The following STX1A variants were observed in gnomAD, a reference collection of about 807,000 sequenced individuals.
STX1A encodes syntaxin-1A.
Under a neutral mutation model 37.8 loss-of-function variants are expected in STX1A, and 4 were observed. The ratio of observed to expected loss-of-function variants is 0.11; its 90% CI spans 0.05 to 0.24. STX1A has a LOEUF of 0.24. Among genes scored for constraint, STX1A ranks in the 10% least tolerant of loss-of-function variants. The pLI, the probability that STX1A is intolerant of heterozygous loss-of-function variation, is 1.00. For synonymous variants in STX1A, 135 were observed against 147.4 expected, an observed-to-expected ratio of 0.92 and a Z score of 0.61; for missense variants, 251 against 399.9, an observed-to-expected ratio of 0.63 and a Z score of 3.18.
intron 1 of STX1A, among the ~76,000 whole-genome samples, chr7:73,716,275 C>T (rs1554618690): frequency 1.3e-5 from 2 of 152,264 alleles, no homozygotes; most frequent in African/African-American, 4.8e-5. Flanking sequence ...GTAGGTAACA[C>T]TGGCTCCATT....
Position 73,705,102 on chromosome 7 carries a change from A to C in STX1A, c.283+48T>G. ...AAAACCCCATGGGCTCCGCAGAGGAAGCAGGCCTAGAATGCCCCCCACCCA... is the reference window on the plus strand; with the variant it reads ...AAAACCCCATGGGCTCCGCAGAGGACGCAGGCCTAGAATGCCCCCCACCCA... On this transcript the variant is annotated intron_variant, in intron 4 of 9. Coordinates refer to ENST00000222812, the MANE Select transcript of STX1A (RefSeq NM_004603.4). This position sits in a 1 kb window ranked among gnomAD's most constrained non-coding sequence, Gnocchi z 5.2. 2 of 1,550,300 alleles carry C rather than the reference A, an allele frequency of 1.3e-6. No individual in the cohort carries two copies. The highest frequency in any genetic ancestry group is 1.8e-6 in the Non-Finnish European group (2 of 1,122,056).
intron 1 of STX1A, among the ~76,000 whole-genome samples, chr7:73,715,353 T>G (rs1379869175): frequency 6.6e-6 from 1 of 151,040 alleles, no homozygotes; most frequent in East Asian, 1.9e-4. Context: ...ACCCAGGAGG[T>G]GGAGGCTGCA....
chr7:73,714,216 C>G (rs1430921451), intron 1 of STX1A, among the ~76,000 whole-genome samples: 1 of 151,930 alleles, frequency 6.6e-6, no homozygotes, highest in Non-Finnish European at 1.5e-5. Context: ...TCAAGCGATT[C>G]TCCTGCCTCA....
Position 73,704,043 on chromosome 7 carries a change from C to T in STX1A, c.466+105G>A, listed in dbSNP as rs548492844. ...AGCAGCTGCCTCGGGCCACCCGCCT[C>T]GGGCCCCTAACTAAGCAGCAGCCTT... On this transcript the variant is annotated intron_variant, in intron 6 of 9. Coordinates refer to ENST00000222812, the MANE Select transcript of STX1A (RefSeq NM_004603.4). The T allele has an allele frequency of 1.1e-4, 146 of 1,334,726 alleles. No individual in the cohort carries two copies. The African/African-American group carries it at 1.9e-3, about 17-fold the overall frequency. 82.7% of individuals were successfully genotyped at this position (1,334,726 alleles called of 1,614,324 possible).
chr7:73,718,616 C>T (rs959618380), intron 1 of STX1A, among the ~76,000 whole-genome samples: 17 of 151,964 alleles, frequency 1.1e-4, no homozygotes, highest in Non-Finnish European at 1.9e-4. Context: ...CCTTGATCCA[C>T]CCCCCCTCCC....
intron 1 of STX1A, among the ~76,000 whole-genome samples, chr7:73,715,123 T>C (rs1584257491): frequency 8.0e-6 from 1 of 124,804 alleles, no homozygotes; most frequent in Non-Finnish European, 1.7e-5. Context: ...AGACTCCGTC[T>C]AAAAAAAAAA....
At chr7:73,713,744 G>A (rs573071457) in intron 1 of STX1A, among the ~76,000 whole-genome samples, 35 of 152,254 alleles carry the variant, frequency 2.3e-4, no homozygotes, top group African/African-American at 8.4e-4. Flanking sequence ...AAACAAAAGT[G>A]GACACACAGA....
chr7:73,705,356 A>C lies in STX1A; in HGVS notation c.209-132T>G. ...CCTGTTCTCCCCTGTTCCCCTGGCT[A>C]AGGCTCTGCCTGCCCGCCCCCCTCC... is the stretch of plus-strand genomic sequence containing the variant. On this transcript the variant is annotated intron_variant, in intron 3 of 9. Coordinates refer to ENST00000222812, the MANE Select transcript of STX1A (RefSeq NM_004603.4). The surrounding 1 kb of genome is among the most constrained non-coding windows in gnomAD (Gnocchi z 5.2). 2.7e-6 allele frequency: 2 copies of C among 751,302 alleles called. No individual in the cohort carries two copies. The highest frequency in any genetic ancestry group is 1.6e-5 in the South Asian group (1 of 63,398). 46.5% of individuals were successfully genotyped at this position (751,302 alleles called of 1,614,324 possible).
At chr7:73,712,968 A>C (rs1799156517) in intron 1 of STX1A, among the ~76,000 whole-genome samples, 1 of 152,166 alleles carries the variant, frequency 6.6e-6, no homozygotes, top group Non-Finnish European at 1.5e-5. Context: ...CCCTCTTTCT[A>C]TATGATCTAC....
Position 73,706,413 on chromosome 7 carries a change from C to A in STX1A, c.209-1189G>T, listed in dbSNP as rs184211157. Among the ~76,000 whole-genome samples, 2 of 152,210 alleles carry A rather than the reference C, an allele frequency of 1.3e-5. No homozygotes were observed. Among genetic ancestry groups the A allele is most frequent in the Admixed American group, 1.3e-4 (2 of 15,300 alleles). ...CCAGAGGAGGCAGAGCCTGCCTTGC[C>A]CGGGAGAGCCCCCCACTCATTGCCA... On this transcript the variant is annotated intron_variant, in intron 3 of 9. Coordinates refer to ENST00000222812, the MANE Select transcript of STX1A (RefSeq NM_004603.4). The surrounding 1 kb of genome is among the most constrained non-coding windows in gnomAD (Gnocchi z 4.6).
chr7:73,704,125 C>T, intron 6 of STX1A, 23 bp downstream of exon 6: 1 of 1,587,440 alleles, frequency 6.3e-7, no homozygotes, highest in Non-Finnish European at 8.6e-7. Flanking sequence ...CAGGCCCCGC[C>T]CCAGGCCCCA....
chr7:73,703,519 G>C, intron 7 of STX1A: 1 of 695,068 alleles, frequency 1.4e-6, no homozygotes, highest in Non-Finnish European at 2.6e-6. Context: ...GCTGGCCGCC[G>C]GCGAAAGTGA....
rs1799025265 is a variant in STX1A, at chr7:73,709,652, G to A, written c.31-530C>T. Reference sequence around the variant, plus strand: ...CAGCCTTAAACACCTGGGCTCAAGCGATCCTCCCAACTCAGCATCCCGAGT... The same window carrying A: ...CAGCCTTAAACACCTGGGCTCAAGCAATCCTCCCAACTCAGCATCCCGAGT... On this transcript the variant is annotated intron_variant, in intron 1 of 9. Coordinates refer to ENST00000222812, the MANE Select transcript of STX1A (RefSeq NM_004603.4). This position sits in a 1 kb window ranked among gnomAD's most constrained non-coding sequence, Gnocchi z 4.2. Among the ~76,000 whole-genome samples the A allele has an allele frequency of 6.6e-6, 1 of 152,094 alleles. No homozygotes were observed. The highest frequency in any genetic ancestry group is 2.4e-5 in the African/African-American group (1 of 41,406).
chr7:73,718,058 C>T (rs996309683), intron 1 of STX1A, among the ~76,000 whole-genome samples: 2 of 152,156 alleles, frequency 1.3e-5, no homozygotes, highest in Non-Finnish European at 2.9e-5. Context: ...AGGTAACCTA[C>T]CAGGCGCCTA....
intron 8 of STX1A, chr7:73,701,085 AGTC>A: frequency 2.9e-6 from 2 of 684,834 alleles, no homozygotes; most frequent in Non-Finnish European, 4.8e-6. Flanking sequence ...CTGGCCATGC[AGTC>A]TCAGCTGAGG....
At chr7:73,712,042 G>A (rs1554618044) in intron 1 of STX1A, among the ~76,000 whole-genome samples, 1 of 152,112 alleles carries the variant, frequency 6.6e-6, no homozygotes, top group Non-Finnish European at 1.5e-5. Flanking sequence ...CCGTCTATGA[G>A]GGTAGGGCTG....
intron 3 of STX1A, among the ~76,000 whole-genome samples, chr7:73,708,344 C>CTTG (rs1554617367): frequency 1.3e-5 from 2 of 152,084 alleles, no homozygotes; most frequent in Non-Finnish European, 2.9e-5. Context: ...TCTCCCATCA[C>CTTG]CCAAGTCTTT....
Position 73,705,556 on chromosome 7 carries a change from G to C in STX1A, c.209-332C>G, listed in dbSNP as rs1554616769. On this transcript the variant is annotated intron_variant, in intron 3 of 9. Coordinates refer to ENST00000222812, the MANE Select transcript of STX1A (RefSeq NM_004603.4). This position sits in a 1 kb window ranked among gnomAD's most constrained non-coding sequence, Gnocchi z 5.2. ...CTGGCGATGCTGGAGTTGGCGCCGG[G>C]AACAGTGACTTGATGCTTGCTGGAG... 1 of 314,802 alleles carries C rather than the reference G, an allele frequency of 3.2e-6. No individual in the cohort carries two copies. Among genetic ancestry groups the C allele is most frequent in the Non-Finnish European group, 6.1e-6 (1 of 164,030 alleles). 19.5% of individuals were successfully genotyped at this position (314,802 alleles called of 1,614,324 possible).
In STX1A at chr7:73,706,211, C is replaced by T. The variant is rs1798865079; in HGVS notation, c.209-987G>A. On this transcript the variant is annotated intron_variant, in intron 3 of 9. Coordinates refer to ENST00000222812, the MANE Select transcript of STX1A (RefSeq NM_004603.4). This position sits in a 1 kb window ranked among gnomAD's most constrained non-coding sequence, Gnocchi z 4.6. ...TTGAGAGTGGTCTATCAGGAAGGCC[C>T]CGGATGGGGTCACCTCCCAAGTGGA... Among the ~76,000 whole-genome samples, 1 of 152,046 alleles carries T rather than the reference C, an allele frequency of 6.6e-6. No individual in the cohort carries two copies. Among genetic ancestry groups the T allele is most frequent in the African/African-American group, 2.4e-5 (1 of 41,392 alleles).
Sources: gnomAD v4.1 joint callset for allele counts (sites outside exome capture counted in the v4.1 genomes callset) on GRCh38, gnomAD v4.1.1 for gene constraint, Gnocchi (gnomAD v3.1) non-coding constraint, MANE v1.5 for transcripts, NCBI Gene and HGNC (gene_info 2026-07-23, HGNC 2026-07-21) for gene names.